Variants in TTN observed in about 807,000 individuals in gnomAD.
TTN encodes the protein titin.
Under a neutral mutation model 3,223.0 loss-of-function variants are expected in TTN, and 1,525 were observed. The ratio of observed to expected loss-of-function variants is 0.47; its 90% CI spans 0.45 to 0.49. The LOEUF is 0.49. Among genes scored for constraint, TTN ranks in the 20% least tolerant of loss-of-function variants. The pLI, the probability that TTN is intolerant of heterozygous loss-of-function variation, is 0.00. For missense variants in TTN, 40,786 were observed against 43,424.0 expected (o/e 0.94, Z 5.40); for synonymous variants, 14,094 against 15,161.0 (o/e 0.93, Z 5.17).
chr2:178,644,355 A>C (rs1330232810), intron 218 of TTN, 193 bp downstream of exon 218: 1 of 478,724 alleles, frequency 2.1e-6, no homozygotes, highest in African/African-American at 2.0e-5. Context: ...CTATACATGT[A>C]TGAAATGGAT....
At position 178,790,836 on chromosome 2, in the gene TTN, C is replaced by T; in HGVS notation, c.1672G>A (p.Glu558Lys). 1.2e-6 allele frequency: 2 copies of T among 1,614,046 alleles called. No homozygotes were observed. Among genetic ancestry groups the T allele is most frequent in the Non-Finnish European group, 1.7e-6 (2 of 1,179,974 alleles). ...ATGGATGCAGCAGTTATCTCAGTTT[C>T]CTGTCTTATCTGATGTTTAGAGTAA... ...KQVTQEAIRQ[E>K]TEITAASMVV... The change falls in exon 11 of 363, where the codon GAA becomes AAA. Residue 558 changes from glutamate to lysine, a missense_variant. Glu to Lys is a moderately conservative substitution (Grantham distance 56). Coordinates refer to ENST00000589042, the MANE Select transcript of TTN (RefSeq NM_001267550.2).
chr2:178,563,940 C>T lies in TTN; in HGVS notation c.82192G>A (p.Gly27398Ser). Reference protein sequence around the residue: ...YLAWNPPLQDGGANISHYIIE... With the variant: ...YLAWNPPLQDSGANISHYIIE... ...ATGTAATGTGAAATATTAGCACCAC[C>T]ATCTTGCAAAGGTGGGTTCCATGCC... The change falls in exon 326 of 363, where the codon GGT becomes AGT. Residue 27398 changes from glycine to serine, a missense_variant. By Grantham distance (56) the Gly-to-Ser change is moderately conservative. Coordinates refer to ENST00000589042, the MANE Select transcript of TTN (RefSeq NM_001267550.2). This position sits in a 1 kb window ranked among gnomAD's most constrained non-coding sequence, Gnocchi z 4.5. 6.2e-7 allele frequency: 1 copy of T among 1,613,684 alleles called. No individual in the cohort carries two copies. Among genetic ancestry groups the T allele is most frequent in the Non-Finnish European group, 8.5e-7 (1 of 1,179,728 alleles).
In TTN at chr2:178,714,305, CGTG is replaced by C. The variant is rs1246476330; in HGVS notation, c.26466_26468del (p.Thr8823del). On this transcript the variant is annotated inframe_deletion, in exon 91 of 363. Transcript: ENST00000589042. ...CTTTTTACTAACCGAGAACGGATAG[CGTG>C]GCGAAGCACTCTTGCATCCCAGCAT... The C allele has an allele frequency of 1.9e-6, 3 of 1,612,254 alleles. No homozygotes were observed. Among genetic ancestry groups the C allele is most frequent in the Non-Finnish European group, 2.5e-6 (3 of 1,178,682 alleles).
rs1687644036 is a variant in TTN, at chr2:178,528,672, T to C, written c.107079A>G (p.Thr35693=). ...EGIVKCQYDL[T]LSKELSDAPA... Reference sequence around the variant, plus strand: ...GAGCATCTGAGAGTTCTTTGCTCAGTGTCAAATCATACTGACACTTGACGA... The same window carrying C: ...GAGCATCTGAGAGTTCTTTGCTCAGCGTCAAATCATACTGACACTTGACGA... Residue 35693 remains threonine (T), a synonymous_variant, in exon 360 of 363, where the codon ACA becomes ACG. Transcript: ENST00000589042. 1 of 1,613,418 alleles carries C rather than the reference T, an allele frequency of 6.2e-7. No individual in the cohort carries two copies. Among genetic ancestry groups the C allele is most frequent in the Non-Finnish European group, 8.5e-7 (1 of 1,179,642 alleles).
In TTN at chr2:178,731,948, A is replaced by C; in HGVS notation, c.16927T>G (p.Phe5643Val). ...TCCTTTAAGACTTCAATTGGCTTAA[A>C]TTCCTTGGTAAAATAAGGTGACTCT... ...VKESPYFTKE[F>V]KPIEVLKEYD... The change falls in exon 58 of 363, where the codon TTT becomes GTT. Residue 5643 changes from phenylalanine (F) to valine (V), a missense_variant. By Grantham distance (50) the Phe-to-Val change is conservative. Transcript: ENST00000589042. 1 of 1,608,288 alleles carries C rather than the reference A, an allele frequency of 6.2e-7. No homozygotes were observed. The highest frequency in any genetic ancestry group is 8.5e-7 in the Non-Finnish European group (1 of 1,175,518).
In TTN at chr2:178,727,435, T is replaced by C. The variant is rs1169161724; in HGVS notation, c.19994-64A>G. 4.6e-6 allele frequency: 7 copies of C among 1,513,994 alleles called. No homozygotes were observed. The Admixed American group carries it at 1.3e-4, about 29-fold the overall frequency. 93.8% of individuals were successfully genotyped at this position (1,513,994 alleles called of 1,614,324 possible). A position where few individuals can be genotyped will look rare whatever the true frequency, so the allele number is the denominator to read the frequency against. ...AATAAATAACAATAGTTAAATTAGATAGTATACAGGCAAGAGAAAAACATG... is the reference window on the plus strand; with the variant it reads ...AATAAATAACAATAGTTAAATTAGACAGTATACAGGCAAGAGAAAAACATG... On this transcript the variant is annotated intron_variant, in intron 68 of 362. Transcript: ENST00000589042.
intron 221 of TTN, among the ~76,000 whole-genome samples, 166 bp from the exon 222 acceptor site, chr2:178,640,276 G>A (rs1334386478): frequency 6.6e-6 from 1 of 151,840 alleles, no homozygotes; most frequent in Non-Finnish European, 1.5e-5. Context: ...AAAATATTTG[G>A]AAAATATAGT....
chr2:178,537,302 TC>T lies in TTN; in HGVS notation c.99865+39del, dbSNP rs756750716. 21 of 1,525,180 alleles carry T rather than the reference TC, an allele frequency of 1.4e-5. No homozygotes were observed. The African/African-American group carries it at 2.8e-4, about 20-fold the overall frequency. The allele number at this position is 1,525,180 out of a possible 1,614,324, so 94.5% of individuals were successfully genotyped here. A position where few individuals can be genotyped will look rare whatever the true frequency, so the allele number is the denominator to read the frequency against. On this transcript the variant is annotated intron_variant, in intron 355 of 362. Transcript: ENST00000589042. The stretch of plus-strand genomic sequence containing the variant: ...ATAGTGTGTTTTTGAGATTTTTTTT[TC>T]TTTAAAAATAAAAAGCACTGAAAAT...
In TTN at chr2:178,558,396, A is replaced by G. The variant is rs1478979562; in HGVS notation, c.87063T>C (p.Ala29021=). The change falls in exon 327 of 363, where the codon GCT becomes GCC. Residue 29021 remains alanine, a synonymous_variant. Transcript: ENST00000589042. ...YFFRVFAENQ[A]GLSDPRELLL... Reference sequence around the variant, plus strand: ...GAAGCTCTCTCGGGTCACTCAGGCCAGCTTGATTTTCAGCAAACACTCGGA... The same window carrying G: ...GAAGCTCTCTCGGGTCACTCAGGCCGGCTTGATTTTCAGCAAACACTCGGA... The G allele has an allele frequency of 6.2e-7, 1 of 1,613,654 alleles. No individual in the cohort carries two copies. The highest frequency in any genetic ancestry group is 1.3e-5 in the African/African-American group (1 of 74,944).
In TTN at chr2:178,621,544, G is replaced by A; in HGVS notation, c.45280C>T (p.Leu15094Phe). 1 of 1,612,442 alleles carries A rather than the reference G, an allele frequency of 6.2e-7. No homozygotes were observed. Among genetic ancestry groups the A allele is most frequent in the South Asian group, 1.1e-5 (1 of 91,050 alleles). Reference protein sequence around the residue: ...KRILVIQNAHLEDAGNYNCRL... With the variant: ...KRILVIQNAHFEDAGNYNCRL... ...CAGTTGTAGTTGCCAGCATCCTCAA[G>A]GTGAGCGTTCTGAATGACCAGGATT... The change falls in exon 245 of 363, where the codon CTT becomes TTT. Residue 15094 changes from leucine (L) to phenylalanine (F), a missense_variant. Leu to Phe is a conservative substitution (Grantham distance 22). Transcript: ENST00000589042.
At chr2:178,803,795 T>C (rs1313147736) in intron 2 of TTN, among the ~76,000 whole-genome samples, 3 of 152,074 alleles carry the variant, frequency 2.0e-5, no homozygotes, top group East Asian at 3.9e-4. Flanking sequence ...ATTTACAATA[T>C]AGTTCATACA....
In TTN at chr2:178,698,115, T is replaced by C. The variant is rs536877364; in HGVS notation, c.30754+728A>G. Among the ~76,000 whole-genome samples the C allele has an allele frequency of 7.9e-5, 12 of 152,370 alleles. No homozygotes were observed. The South Asian group carries it at 2.1e-3, about 26-fold the overall frequency. ...TGACAACATGGATAGAACTGGAGATTATGCTAAGTGAAATAAGCCAGGCAC... is the reference window on the plus strand; with the variant it reads ...TGACAACATGGATAGAACTGGAGATCATGCTAAGTGAAATAAGCCAGGCAC... On this transcript the variant is annotated intron_variant, in intron 112 of 362. Transcript: ENST00000589042.
rs1220438080 is a variant in TTN at position 178,534,711 on chromosome 2, T to C, written c.101904A>G (p.Pro33968=). 6.2e-7 allele frequency: 1 copy of C among 1,613,890 alleles called. No homozygotes were observed. Among genetic ancestry groups the C allele is most frequent in the East Asian group, 2.2e-5 (1 of 44,872 alleles). ...TGAATAGAAGCCTGAAGTTGTCCCC[T>C]GGTTTCAGCTGACGGGCTTGACCAA... The part of the protein sequence containing the change: ...IEFGQARQLK[P]GDNFRLLFTA... Residue 33968 remains proline (P), a synonymous_variant, in exon 358 of 363, where the codon CCA becomes CCG. Coordinates refer to ENST00000589042, the MANE Select transcript of TTN (RefSeq NM_001267550.2).
In TTN at chr2:178,579,264, T is replaced by A; in HGVS notation, c.67766A>T (p.Asp22589Val). Residue 22589 changes from aspartate to valine, a missense_variant, in exon 320 of 363, where the codon GAT (aspartate) becomes GTT (valine). By Grantham distance (152) the Asp-to-Val change is radical (BLOSUM62 -3). Transcript: ENST00000589042. ...APSVSWKKGE[D>V]PLATDTRVSV... is the part of the protein sequence containing the mutation. ...GACTCTAGTGTCAGTTGCTAGAGGA[T>A]CTTCCCCTTTCTTCCAGGAGACTGA... The A allele has an allele frequency of 3.1e-6, 5 of 1,613,334 alleles. No individual in the cohort carries two copies. Among genetic ancestry groups the A allele is most frequent in the Non-Finnish European group, 4.2e-6 (5 of 1,179,528 alleles).
In TTN at chr2:178,560,383, A is replaced by G; in HGVS notation, c.85749T>C (p.Ser28583=). 3 of 1,613,664 alleles carry G rather than the reference A, an allele frequency of 1.9e-6. No homozygotes were observed. Among genetic ancestry groups the G allele is most frequent in the Non-Finnish European group, 1.7e-6 (2 of 1,179,764 alleles). ...RPESDGGSEI[S]GYIIERREKN... is the part of the protein sequence containing the mutation. ...TCTCTCGCCTTTCAATTATATATCCAGATATTTCACTACCTCCATCACTCT... is the reference window on the plus strand; with the variant it reads ...TCTCTCGCCTTTCAATTATATATCCGGATATTTCACTACCTCCATCACTCT... Residue 28583 remains serine (S), a synonymous_variant, in exon 326 of 363, where the codon TCT becomes TCC. Transcript: ENST00000589042.
Position 178,723,576 on chromosome 2 carries a change from C to G in TTN, c.21524G>C (p.Arg7175Thr), listed in dbSNP as rs1578045796. 6.2e-7 allele frequency: 1 copy of G among 1,613,292 alleles called. No individual in the cohort carries two copies. The highest frequency in any genetic ancestry group is 1.3e-5 in the African/African-American group (1 of 74,914). Residue 7175 changes from arginine to threonine, a missense_variant, in exon 74 of 363, where the codon AGA becomes ACA. By Grantham distance (71) the Arg-to-Thr change is moderately conservative. Transcript: ENST00000589042. The part of the protein sequence containing the change: ...PFKVNWFRGA[R>T]ELVKGDRCNI... ...GCACCGGTCTCCTTTCACTAGTTCT[C>G]TGGCACCTCTGAACCAGTTGACTTT...
Position 178,653,903 on chromosome 2 carries a change from A to C in TTN, c.38465-6T>G. 3 of 1,591,046 alleles carry C rather than the reference A, an allele frequency of 1.9e-6. No homozygotes were observed. The highest frequency in any genetic ancestry group is 2.5e-6 in the Non-Finnish European group (3 of 1,176,502). Reference sequence around the variant, plus strand: ...TTCTTGAGGAACTTCTGGCACTTGAAAGATATTAGTAGTTTTATACTTAGG... The same window carrying C: ...TTCTTGAGGAACTTCTGGCACTTGACAGATATTAGTAGTTTTATACTTAGG... On this transcript the variant is annotated splice_polypyrimidine_tract_variant and splice_region_variant and intron_variant, in intron 194 of 362. Coordinates refer to ENST00000589042, the MANE Select transcript of TTN (RefSeq NM_001267550.2).
chr2:178,717,076 C>A lies in TTN; in HGVS notation c.25639+19G>T. 2 of 1,590,508 alleles carry A rather than the reference C, an allele frequency of 1.3e-6. No individual in the cohort carries two copies. Among genetic ancestry groups the A allele is most frequent in the South Asian group, 2.3e-5 (2 of 88,032 alleles). ...CTGAAAATGTAAAAGAGATCTTGCT[C>A]CTTCACTCTAACAAGTACCTTGTAC... On this transcript the variant is annotated intron_variant, in intron 88 of 362. Coordinates refer to ENST00000589042, the MANE Select transcript of TTN (RefSeq NM_001267550.2).
intron 123 of TTN, 30 bp downstream of exon 123, chr2:178,689,485 A>G: frequency 6.2e-7 from 1 of 1,603,392 alleles, no homozygotes; most frequent in Non-Finnish European, 8.5e-7. Flanking sequence ...AGGAAAGACA[A>G]GGTTATTTCA....
Sources: gnomAD v4.1 joint callset for allele counts (sites outside exome capture counted in the v4.1 genomes callset) on GRCh38, gnomAD v4.1.1 for gene constraint, Gnocchi (gnomAD v3.1) non-coding constraint, MANE v1.5 for transcripts, NCBI Gene and HGNC (gene_info 2026-07-23, HGNC 2026-07-21) for gene names.